The following OPHN1 variants were observed in gnomAD, a reference collection of about 807,000 sequenced individuals.
OPHN1 encodes oligophrenin-1.
Under a neutral mutation model 60.7 loss-of-function variants are expected in OPHN1, and 11 were observed. The observed-to-expected ratio is 0.18, with a 90% CI of 0.11 to 0.30. OPHN1 has a LOEUF of 0.30. OPHN1 is among the 10% of genes least tolerant of loss of function. The pLI is 1.00. For missense variants in OPHN1, 449 were observed against 611.0 expected, an observed-to-expected ratio of 0.73 and a Z score of 2.80; for synonymous variants, 226 against 222.6, an observed-to-expected ratio of 1.02 and a Z score of -0.14.
chrX:68,219,558 A>G (rs1376460389), intron 6 of OPHN1, among the ~76,000 whole-genome samples: 9 of 110,136 alleles, frequency 8.2e-5, no homozygotes, highest in Admixed American at 1.9e-4. Flanking sequence ...AATGTAAAAG[A>G]ACAGAAATTA....
At chrX:68,199,927 G>GC (rs1380935738) in intron 11 of OPHN1, among the ~76,000 whole-genome samples, 1 of 111,872 alleles carries the variant, frequency 8.9e-6, no homozygotes, top group Non-Finnish European at 1.9e-5. Flanking sequence ...TGGACATGGT[G>GC]GCACACGCCT....
intron 3 of OPHN1, among the ~76,000 whole-genome samples, chrX:68,295,342 T>A (rs2078089557): frequency 8.9e-6 from 1 of 112,344 alleles, no homozygotes; most frequent in Non-Finnish European, 1.9e-5. Context: ...AATGAATTAT[T>A]GAGCACCAAC....
chrX:68,302,105 A>G (rs2078123801), intron 2 of OPHN1, among the ~76,000 whole-genome samples: 1 of 112,523 alleles, frequency 8.9e-6, no homozygotes, highest in African/African-American at 3.2e-5. Flanking sequence ...TTATGTAAAT[A>G]TACCACAATG....
At chrX:68,323,364 CAT>C (rs931862778) in intron 2 of OPHN1, among the ~76,000 whole-genome samples, 20 of 111,608 alleles carry the variant, frequency 1.8e-4, no homozygotes, top group Admixed American at 1.6e-3. Flanking sequence ...TCTTCCCTCA[CAT>C]GTCTTTCCTA....
At chrX:68,073,873 G>A (rs1441036197) in intron 19 of OPHN1, among the ~76,000 whole-genome samples, 1 of 112,339 alleles carries the variant, frequency 8.9e-6, no homozygotes, top group African/African-American at 3.2e-5. Flanking sequence ...TCCCTCCTAT[G>A]TCACTTTGTT....
At chrX:68,360,734 G>T (rs2147717408) in intron 2 of OPHN1, among the ~76,000 whole-genome samples, 1 of 111,012 alleles carries the variant, frequency 9.0e-6, no homozygotes, top group African/African-American at 3.3e-5. Context: ...AGTGAGTGAA[G>T]ATCATGCCAC....
intron 11 of OPHN1, among the ~76,000 whole-genome samples, chrX:68,200,402 T>C (rs1392387544): frequency 9.0e-6 from 1 of 111,646 alleles, no homozygotes; most frequent in Non-Finnish European, 1.9e-5. Flanking sequence ...AAATTCATCC[T>C]AGCCCCTAAC....
At chrX:68,204,002 T>C (rs149813341) in intron 10 of OPHN1, among the ~76,000 whole-genome samples, 10 of 113,086 alleles carry the variant, frequency 8.8e-5, no homozygotes, top group Admixed American at 9.3e-5. Context: ...TATTCATCTT[T>C]ATACCTCCAG....
intron 2 of OPHN1, among the ~76,000 whole-genome samples, chrX:68,417,150 C>T (rs768872888): frequency 1.9e-4 from 21 of 111,129 alleles, no homozygotes; most frequent in African/African-American, 6.5e-4. Context: ...GGCTGCAATG[C>T]AGTGGCGCGA....
chrX:68,118,924 C>T (rs1384073085), intron 16 of OPHN1, among the ~76,000 whole-genome samples: 1 of 112,168 alleles, frequency 8.9e-6, no homozygotes, highest in Non-Finnish European at 1.9e-5. Context: ...GTCCCAGCTC[C>T]TGATTCTACT....
intron 2 of OPHN1, among the ~76,000 whole-genome samples, chrX:68,322,262 G>A (rs1283839149): frequency 9.0e-6 from 1 of 111,619 alleles, no homozygotes; most frequent in African/African-American, 3.3e-5. Flanking sequence ...ATGGGTCACT[G>A]TACCTGGCCC....
At chrX:68,249,577 A>C (rs2077823432) in intron 5 of OPHN1, among the ~76,000 whole-genome samples, 1 of 111,938 alleles carries the variant, frequency 8.9e-6, no homozygotes, top group Non-Finnish European at 1.9e-5. Flanking sequence ...CCCTCTGTGT[A>C]CTGAGAAGCC....
At chrX:68,067,797 A>G (rs1324615332) in intron 20 of OPHN1, among the ~76,000 whole-genome samples, 1 of 111,746 alleles carries the variant, frequency 8.9e-6, no homozygotes, top group Non-Finnish European at 1.9e-5. Context: ...CAAAAGGGAT[A>G]TCAAATTTCA....
intron 15 of OPHN1, among the ~76,000 whole-genome samples, chrX:68,176,601 A>T (rs1280715032): frequency 8.9e-6 from 1 of 111,952 alleles, no homozygotes; most frequent in Non-Finnish European, 1.9e-5. Flanking sequence ...GTGAAATGGT[A>T]AAGCCACTAT....
chrX:68,268,781 G>A (rs2077948492), intron 5 of OPHN1, among the ~76,000 whole-genome samples: 1 of 111,430 alleles, frequency 9.0e-6, no homozygotes, highest in African/African-American at 3.3e-5. Flanking sequence ...TATTCAATTA[G>A]GAAAAGAGGA....
At chrX:68,247,786 T>C (rs1270921602) in intron 5 of OPHN1, among the ~76,000 whole-genome samples, 2 of 107,559 alleles carry the variant, frequency 1.9e-5, no homozygotes, top group Non-Finnish European at 3.8e-5. Context: ...AAAAATTAGC[T>C]GGGCATGGTG....
chrX:68,185,994 T>G (rs1356393364), intron 15 of OPHN1, among the ~76,000 whole-genome samples: 2 of 111,828 alleles, frequency 1.8e-5, no homozygotes, highest in Non-Finnish European at 3.8e-5. Context: ...ATAGGCTGCT[T>G]TTTTCCAAGG....
At chrX:68,346,139 T>C (rs1021813230) in intron 2 of OPHN1, among the ~76,000 whole-genome samples, 13 of 111,440 alleles carry the variant, frequency 1.2e-4, no homozygotes, top group African/African-American at 4.2e-4. Flanking sequence ...AATAAATAAA[T>C]AAATAAACAA....
chrX:68,114,901 A>T (rs1275545472), intron 16 of OPHN1, among the ~76,000 whole-genome samples: 1 of 111,793 alleles, frequency 8.9e-6, no homozygotes, highest in Non-Finnish European at 1.9e-5. Flanking sequence ...TTAAGAGGGA[A>T]GTAGAGATGC....
Sources: gnomAD v4.1 joint callset for allele counts (sites outside exome capture counted in the v4.1 genomes callset) on GRCh38, gnomAD v4.1.1 for gene constraint, MANE v1.5 for transcripts, NCBI Gene and HGNC (gene_info 2026-07-23, HGNC 2026-07-21) for gene names.